PLCH1: variants seen among roughly 807,000 people sequenced by gnomAD.
PLCH1 encodes phospholipase C eta 1.
In PLCH1, 60 loss-of-function variants were observed where a neutral mutation model predicts 126.7. The ratio of observed to expected loss-of-function variants is 0.47; its 90% CI spans 0.38 to 0.59. The LOEUF is 0.59. Among genes scored for constraint, PLCH1 ranks in the 20% least tolerant of loss-of-function variants. The pLI, the probability that PLCH1 is intolerant of heterozygous loss-of-function variation, is 0.00. For missense variants in PLCH1, 1,723 were observed against 2,040.0 expected, an observed-to-expected ratio of 0.84 and a Z score of 2.99; for synonymous variants, 719 against 734.9, an observed-to-expected ratio of 0.98 and a Z score of 0.35.
chr3:155,490,779 C>T lies in PLCH1; in HGVS notation c.2392+5G>A. On this transcript the variant is annotated splice_donor_5th_base_variant and intron_variant, in intron 19 of 22. Transcript: ENST00000460012. ...TTAAAAAGTGAACACAGATTACCAT[C>T]TTACCATTGTCATCTACCACACGGG... is the stretch of plus-strand genomic sequence containing the variant. 6.8e-7 allele frequency: 1 copy of T among 1,480,170 alleles called. No individual in the cohort carries two copies. Among genetic ancestry groups the T allele is most frequent in the Non-Finnish European group, 9.4e-7 (1 of 1,059,236 alleles). The allele number at this position is 1,480,170 out of a possible 1,614,324, so 91.7% of individuals were successfully genotyped here. A position where few individuals can be genotyped will look rare whatever the true frequency, so the allele number is the denominator to read the frequency against.
At chr3:155,664,742 G>T (rs1742544636) in intron 2 of PLCH1, among the ~76,000 whole-genome samples, 1 of 152,236 alleles carries the variant, frequency 6.6e-6, no homozygotes, top group East Asian at 1.9e-4. Context: ...CATAATTTAT[G>T]AAGCTATTTC....
chr3:155,663,739 C>T (rs920397030), intron 2 of PLCH1, among the ~76,000 whole-genome samples: 3 of 152,110 alleles, frequency 2.0e-5, no homozygotes, highest in Non-Finnish European at 4.4e-5. Flanking sequence ...ACATTAGCTC[C>T]ATGAACTTCC....
chr3:155,662,263 A>G (rs6441009), intron 2 of PLCH1, among the ~76,000 whole-genome samples: 87,436 of 151,964 alleles, frequency 0.58, 27,463 homozygotes, highest in African/African-American at 0.82. Flanking sequence ...GATCAGCCTT[A>G]GCAACAGACT....
At chr3:155,453,126 T>C (rs1712351120) in intron 21 of PLCH1, among the ~76,000 whole-genome samples, 1 of 152,186 alleles carries the variant, frequency 6.6e-6, no homozygotes, top group Non-Finnish European at 1.5e-5. Flanking sequence ...ATCAGGTGTA[T>C]GGAATTTTGC....
At chr3:155,735,918 T>C (rs2109197101) in intron 1 of PLCH1, among the ~76,000 whole-genome samples, 1 of 152,254 alleles carries the variant, frequency 6.6e-6, no homozygotes, top group African/African-American at 2.4e-5. Context: ...ACTGAATGGC[T>C]GAGGAACAGA....
At chr3:155,469,135 G>C (rs919982493) in intron 21 of PLCH1, among the ~76,000 whole-genome samples, 2 of 152,174 alleles carry the variant, frequency 1.3e-5, no homozygotes, top group Non-Finnish European at 1.5e-5. Context: ...CGCAGAAGAC[G>C]GGTGATTTCT....
chr3:155,594,336 C>T (rs1055111512), intron 3 of PLCH1, 152 bp from the exon 4 acceptor site: 94 of 692,564 alleles, frequency 1.4e-4, no homozygotes, highest in South Asian at 2.0e-4. Flanking sequence ...TTTGGGAGGT[C>T]GAGGTGGACA....
At chr3:155,695,255 T>C (rs1162067513) in intron 2 of PLCH1, among the ~76,000 whole-genome samples, 1 of 152,246 alleles carries the variant, frequency 6.6e-6, no homozygotes, top group African/African-American at 2.4e-5. Flanking sequence ...GGTTTTGTCC[T>C]TGCCCATTTC....
intron 2 of PLCH1, among the ~76,000 whole-genome samples, chr3:155,702,775 A>G (rs1342780808): frequency 1.3e-5 from 2 of 152,210 alleles, no homozygotes; most frequent in Non-Finnish European, 2.9e-5. Flanking sequence ...TGATTTTTCT[A>G]TTATCATATT....
At chr3:155,688,436 A>G (rs1334914822) in intron 2 of PLCH1, among the ~76,000 whole-genome samples, 1 of 152,232 alleles carries the variant, frequency 6.6e-6, no homozygotes, top group African/African-American at 2.4e-5. Context: ...ATTAACCCCC[A>G]GGAGCAAGAT....
At chr3:155,486,310 C>G in intron 21 of PLCH1, 1 of 682,922 alleles carries the variant, frequency 1.5e-6, no homozygotes, top group South Asian at 1.8e-5. Context: ...TCTATAAACC[C>G]TTTCTCTTAG....
intron 21 of PLCH1, among the ~76,000 whole-genome samples, chr3:155,452,351 T>C (rs1045176408): frequency 1.3e-5 from 2 of 152,076 alleles, no homozygotes; most frequent in Non-Finnish European, 2.9e-5. Flanking sequence ...CCACAACACA[T>C]GGGAATTATG....
chr3:155,740,008 A>G (rs1749500651), intron 1 of PLCH1, among the ~76,000 whole-genome samples: 1 of 152,190 alleles, frequency 6.6e-6, no homozygotes, highest in African/African-American at 2.4e-5. Flanking sequence ...AATTCCTCAG[A>G]CCAAAATAGA....
At chr3:155,666,750 T>C (rs865935744) in intron 2 of PLCH1, among the ~76,000 whole-genome samples, 3 of 152,210 alleles carry the variant, frequency 2.0e-5, no homozygotes, top group South Asian at 2.1e-4. Flanking sequence ...ACCTTTATCA[T>C]ATGCTTGACT....
chr3:155,512,732 G>A (rs1719761244), intron 12 of PLCH1, among the ~76,000 whole-genome samples: 1 of 152,184 alleles, frequency 6.6e-6, no homozygotes, highest in South Asian at 2.1e-4. Flanking sequence ...AGAAAGGAAG[G>A]ATCTTATGGG....
chr3:155,465,889 T>C (rs1265271636), intron 21 of PLCH1, among the ~76,000 whole-genome samples: 1 of 152,116 alleles, frequency 6.6e-6, no homozygotes, highest in Non-Finnish European at 1.5e-5. Context: ...AAGGTGAGGC[T>C]CCTCTGCCTT....
intron 21 of PLCH1, among the ~76,000 whole-genome samples, chr3:155,468,781 T>C (rs1473742672): frequency 6.6e-6 from 1 of 152,068 alleles, no homozygotes; most frequent in Non-Finnish European, 1.5e-5. Flanking sequence ...GCAAATGTTA[T>C]TAGAGGTAAA....
intron 11 of PLCH1, among the ~76,000 whole-genome samples, chr3:155,521,036 A>G (rs1053648735): frequency 2.6e-5 from 4 of 152,148 alleles, no homozygotes; most frequent in Non-Finnish European, 5.9e-5. Flanking sequence ...TGCCTGGAAC[A>G]TTCCTCCTCA....
chr3:155,703,577 T>G (rs1347681069), intron 2 of PLCH1, among the ~76,000 whole-genome samples: 1 of 152,218 alleles, frequency 6.6e-6, no homozygotes, highest in Non-Finnish European at 1.5e-5. Flanking sequence ...ACAGCTGCAG[T>G]CCTCCACCCT....
Sources: allele counts gnomAD v4.1 joint callset (sites outside exome capture counted in the v4.1 genomes callset), GRCh38; gene constraint gnomAD v4.1.1; transcripts MANE v1.5; gene names NCBI Gene and HGNC (gene_info 2026-07-23, HGNC 2026-07-21).